DIAPH3: variants seen among roughly 807,000 people sequenced by gnomAD.
DIAPH3 encodes protein diaphanous homolog 3.
In DIAPH3, 117 loss-of-function variants were observed where a neutral mutation model predicts 144.3. The ratio of observed to expected loss-of-function variants is 0.81; its 90% confidence interval spans 0.70 to 0.95. DIAPH3 has a LOEUF of 0.95. DIAPH3 is among the 40% of genes least tolerant of loss of function. The pLI is 0.00. For missense variants in DIAPH3, 1,421 were observed against 1,412.7 expected (o/e 1.01, Z -0.09); for synonymous variants, 519 against 488.9 (o/e 1.06, Z -0.81).
chr13:60,107,565 C>A (rs745520776), intron 3 of DIAPH3, among the ~76,000 whole-genome samples: 1 of 152,088 alleles, frequency 6.6e-6, no homozygotes, highest in African/African-American at 2.4e-5. Flanking sequence ...AGGTTTCCCA[C>A]ACTGAAAAGC....
At chr13:60,098,347 C>G (rs2058169880) in intron 3 of DIAPH3, among the ~76,000 whole-genome samples, 1 of 152,052 alleles carries the variant, frequency 6.6e-6, no homozygotes, top group Admixed American at 6.6e-5. Flanking sequence ...GTAGCAGAAA[C>G]CAGCCTCAAC....
At chr13:59,695,765 T>A (rs1302017540) in intron 27 of DIAPH3, among the ~76,000 whole-genome samples, 4 of 152,086 alleles carry the variant, frequency 2.6e-5, no homozygotes, top group African/African-American at 9.7e-5. Flanking sequence ...AGCATAAGAG[T>A]ATTCCAACAA....
At chr13:59,732,015 C>T (rs180783281) in intron 27 of DIAPH3, among the ~76,000 whole-genome samples, 17 of 152,022 alleles carry the variant, frequency 1.1e-4, no homozygotes, top group South Asian at 8.3e-4. Flanking sequence ...TATTAGTTTA[C>T]GGATTAGATT....
chr13:60,057,688 A>G lies in DIAPH3; in HGVS notation c.496-14868T>C, dbSNP rs189420158. ...AACCAAAACAGCATGGTATTGGTAT[A>G]AAAGGAGATACACAGACCAAGGGAA... On this transcript the variant is annotated intron_variant, in intron 4 of 27. Coordinates refer to ENST00000400324, the MANE Select transcript of DIAPH3 (RefSeq NM_001042517.2). 5.5e-3 allele frequency among the ~76,000 whole-genome samples: 841 copies of G among 152,096 alleles called. 6 individuals carry two copies. Among genetic ancestry groups the G allele is most frequent in the Non-Finnish European group, 9.5e-3 (646 of 67,898 alleles).
chr13:59,836,154 T>C (rs977146153), intron 23 of DIAPH3, among the ~76,000 whole-genome samples: 1 of 151,786 alleles, frequency 6.6e-6, no homozygotes, highest in Non-Finnish European at 1.5e-5. Flanking sequence ...GAAAGGCAAG[T>C]GCTCAGGCAA....
At chr13:60,149,301 T>C (rs1172026587) in intron 1 of DIAPH3, among the ~76,000 whole-genome samples, 1 of 152,150 alleles carries the variant, frequency 6.6e-6, no homozygotes, top group Non-Finnish European at 1.5e-5. Context: ...ATATAGACAA[T>C]TACAGCAAGC....
chr13:59,792,966 T>A (rs770389601), intron 25 of DIAPH3, among the ~76,000 whole-genome samples: 7 of 152,214 alleles, frequency 4.6e-5, no homozygotes, highest in Non-Finnish European at 1.0e-4. Context: ...CACTCCTCTG[T>A]GTTTCATCAG....
At chr13:60,013,289 A>G in intron 7 of DIAPH3, 1 of 882,504 alleles carries the variant, frequency 1.1e-6, no homozygotes, top group Non-Finnish European at 1.4e-6. Context: ...GGTAGAGGAA[A>G]GTTAATGCTC....
chr13:59,946,697 T>G (rs1196549256), intron 17 of DIAPH3, among the ~76,000 whole-genome samples: 2 of 152,212 alleles, frequency 1.3e-5, no homozygotes, highest in Non-Finnish European at 2.9e-5. Context: ...TGTACAATAT[T>G]TTAATTCAAT....
chr13:60,148,299 A>C (rs1375672729), intron 1 of DIAPH3, among the ~76,000 whole-genome samples: 1 of 152,246 alleles, frequency 6.6e-6, no homozygotes, highest in Non-Finnish European at 1.5e-5. Flanking sequence ...AGTTTTAAGA[A>C]GTCATCAGCT....
chr13:59,983,130 C>A (rs1379815648), intron 13 of DIAPH3, among the ~76,000 whole-genome samples: 2 of 85,526 alleles, frequency 2.3e-5, no homozygotes, highest in African/African-American at 1.1e-4. Context: ...AATAATAATG[C>A]TTTATCTTTA....
intron 20 of DIAPH3, among the ~76,000 whole-genome samples, chr13:59,884,210 A>G (rs1402601326): frequency 6.6e-6 from 1 of 152,126 alleles, no homozygotes; most frequent in Non-Finnish European, 1.5e-5. Flanking sequence ...CCTTATGAGA[A>G]TCTAATGCCT....
At chr13:60,017,995 A>G (rs527510515) in intron 5 of DIAPH3, among the ~76,000 whole-genome samples, 18 of 152,310 alleles carry the variant, frequency 1.2e-4, no homozygotes, top group African/African-American at 4.1e-4. Flanking sequence ...CCTTGTTGAC[A>G]TCCTATTCTG....
At chr13:60,009,801 C>T (rs1048502886) in intron 8 of DIAPH3, among the ~76,000 whole-genome samples, 2 of 152,194 alleles carry the variant, frequency 1.3e-5, no homozygotes, top group African/African-American at 4.8e-5. Flanking sequence ...GGAGGCTCCC[C>T]TTACAGGACT....
At chr13:59,935,618 G>A (rs74480599) in intron 17 of DIAPH3, among the ~76,000 whole-genome samples, 5,559 of 152,200 alleles carry the variant, frequency 0.037, 134 homozygotes, top group East Asian at 0.075. Flanking sequence ...GGAAAATATC[G>A]AAGTAAATGC....
chr13:60,012,910 A>T, intron 7 of DIAPH3: 1 of 790,510 alleles, frequency 1.3e-6, no homozygotes. Context: ...TCATTTTAAG[A>T]CTGGAATGAG....
At chr13:59,717,195 G>A (rs1429798658) in intron 27 of DIAPH3, among the ~76,000 whole-genome samples, 1 of 152,088 alleles carries the variant, frequency 6.6e-6, no homozygotes, top group Non-Finnish European at 1.5e-5. Flanking sequence ...TCCGAGTTTG[G>A]GAAGGAATTA....
intron 22 of DIAPH3, among the ~76,000 whole-genome samples, chr13:59,856,090 T>C (rs1220595754): frequency 6.6e-6 from 1 of 152,198 alleles, no homozygotes; most frequent in Non-Finnish European, 1.5e-5. Flanking sequence ...TACTACTTTA[T>C]GTTTCATGTC....
intron 20 of DIAPH3, among the ~76,000 whole-genome samples, chr13:59,911,285 A>T (rs959892334): frequency 1.3e-5 from 2 of 152,170 alleles, no homozygotes; most frequent in Admixed American, 6.5e-5. Flanking sequence ...TCTAAAATGA[A>T]TTCATTTTTC....
Sources: gnomAD v4.1 joint callset for allele counts (sites outside exome capture counted in the v4.1 genomes callset) on GRCh38, gnomAD v4.1.1 for gene constraint, MANE v1.5 for transcripts, NCBI Gene and HGNC (gene_info 2026-07-23, HGNC 2026-07-21) for gene names.